Variants in USP9X observed in about 807,000 individuals in gnomAD.
USP9X encodes the protein ubiquitin specific peptidase 9 X-linked.
USP9X carries 7 observed loss-of-function variants against 190.3 expected under a neutral mutation model. The ratio of observed to expected loss-of-function variants is 0.04; its 90% CI spans 0.02 to 0.07. The LOEUF is 0.07. Ranked by LOEUF, USP9X falls within the 10% of genes least tolerant of loss-of-function variation. USP9X has a pLI of 1.00. For missense variants in USP9X, 1,010 were observed against 1,916.9 expected (o/e 0.53, Z 8.83); for synonymous variants, 645 against 659.5 (o/e 0.98, Z 0.34).
In USP9X at chrX:41,157,964, G is replaced by T. The variant is rs745763498; in HGVS notation, c.1898-4826G>T. Among the ~76,000 whole-genome samples the T allele has an allele frequency of 2.7e-5, 3 of 112,116 alleles. No individual in the cohort carries two copies. In the Admixed American group the frequency reaches 2.8e-4, roughly 11 times the overall value. On this transcript the variant is annotated intron_variant, in intron 14 of 44. Transcript: ENST00000378308. ...TTTTTTATTTAAAAAATCATGTAGA[G>T]ATTTTGTACTTGAAAAGTATAATAA... is the stretch of plus-strand genomic sequence containing the variant.
intron 33 of USP9X, among the ~76,000 whole-genome samples, chrX:41,211,358 G>A (rs1424102731): frequency 3.6e-5 from 4 of 112,272 alleles, no homozygotes; most frequent in African/African-American, 1.3e-4. Context: ...TATAGCTACA[G>A]GTGTTATTTA....
At chrX:41,199,835 C>T (rs1427673507) in intron 30 of USP9X, among the ~76,000 whole-genome samples, 5 of 111,641 alleles carry the variant, frequency 4.5e-5, no homozygotes, top group East Asian at 2.8e-4. Flanking sequence ...AAGATTAGAA[C>T]GTGAGAAGTT....
At chrX:41,195,611 G>C (rs187341848) in intron 26 of USP9X, among the ~76,000 whole-genome samples, 1 of 111,513 alleles carries the variant, frequency 9.0e-6, no homozygotes, top group Non-Finnish European at 1.9e-5. Context: ...GGTAGTGGGG[G>C]ATGGTTTCGG....
At chrX:41,204,579 A>G (rs185871493) in intron 31 of USP9X, among the ~76,000 whole-genome samples, 1 of 110,705 alleles carries the variant, frequency 9.0e-6, no homozygotes. Context: ...AGTACTAGTC[A>G]TGCACCACAT....
intron 1 of USP9X, among the ~76,000 whole-genome samples, chrX:41,099,671 G>C (rs1237219994): frequency 8.9e-6 from 1 of 111,755 alleles, no homozygotes; most frequent in African/African-American, 3.3e-5. Flanking sequence ...AAAATCACTA[G>C]TTGAATGAAT....
chrX:41,098,611 G>T (rs1395437508), intron 1 of USP9X, among the ~76,000 whole-genome samples: 1 of 110,295 alleles, frequency 9.1e-6, no homozygotes, highest in Non-Finnish European at 1.9e-5. Context: ...AGGCTGGAGT[G>T]CAGTGGCGAG....
intron 1 of USP9X, among the ~76,000 whole-genome samples, chrX:41,114,061 G>T (rs1192533168): frequency 8.9e-6 from 1 of 112,649 alleles, no homozygotes; most frequent in Non-Finnish European, 1.9e-5. Context: ...TTTGTTGTAA[G>T]TATCCGATGA....
At chrX:41,142,627 A>C (rs2062432817) in intron 9 of USP9X, among the ~76,000 whole-genome samples, 1 of 112,161 alleles carries the variant, frequency 8.9e-6, no homozygotes, top group African/African-American at 3.2e-5. Context: ...TAAATACTGC[A>C]AAATCATATA....
intron 12 of USP9X, among the ~76,000 whole-genome samples, chrX:41,148,915 C>T (rs917023662): frequency 8.9e-6 from 1 of 111,948 alleles, no homozygotes; most frequent in African/African-American, 3.2e-5. Flanking sequence ...GTTTTCTTTG[C>T]TCATAGGGAA....
At chrX:41,092,699 G>A (rs1477138122) in intron 1 of USP9X, among the ~76,000 whole-genome samples, 1 of 111,751 alleles carries the variant, frequency 8.9e-6, no homozygotes, top group African/African-American at 3.3e-5. Context: ...TTTGGTGTGT[G>A]TGTGTGGAGG....
chrX:41,118,340 C>T (rs1344786474), intron 1 of USP9X, among the ~76,000 whole-genome samples: 2 of 110,485 alleles, frequency 1.8e-5, no homozygotes, highest in Non-Finnish European at 3.8e-5. Flanking sequence ...TTTCTGCAAG[C>T]GTGACTAATC....
intron 1 of USP9X, among the ~76,000 whole-genome samples, chrX:41,110,461 G>A (rs1238756873): frequency 2.7e-5 from 3 of 111,647 alleles, no homozygotes; most frequent in African/African-American, 9.8e-5. Flanking sequence ...TCCCTTTTCT[G>A]ACATTATTGA....
intron 32 of USP9X, among the ~76,000 whole-genome samples, chrX:41,207,227 G>T (rs1456730493): frequency 5.6e-5 from 6 of 107,220 alleles, no homozygotes; most frequent in Admixed American, 3.0e-4. Context: ...TAGCTAGGAC[G>T]ACAGGCCCAC....
Position 41,234,791 on chromosome X carries a change from C to T in USP9X, c.*2267C>T, listed in dbSNP as rs964967498. Reference sequence around the variant, plus strand: ...GCCAGGCTGGTCTTGAACTCCTGACCTCAGGTGATCTGGCCGCCTCGGCCT... The same window carrying T: ...GCCAGGCTGGTCTTGAACTCCTGACTTCAGGTGATCTGGCCGCCTCGGCCT... On this transcript the variant is annotated 3_prime_UTR_variant, in exon 45 of 45. Transcript: ENST00000378308. 3 of 111,680 alleles carry T rather than the reference C, an allele frequency of 2.7e-5. No homozygotes were observed. Among genetic ancestry groups the T allele is most frequent in the African/African-American group, 6.5e-5 (2 of 30,710 alleles). The allele number at this position is 111,680 out of a possible 1,213,427, so 9.2% of individuals were successfully genotyped here.
At position 41,134,844 on chromosome X, in the gene USP9X, C is replaced by T; in HGVS notation, c.435+7C>T. ...CTGGAAGTTTGAAATTCATGTGAGTCTTGCATTTGACTTTAAAGGATCAGA... is the reference window on the plus strand; with the variant it reads ...CTGGAAGTTTGAAATTCATGTGAGTTTTGCATTTGACTTTAAAGGATCAGA... On this transcript the variant is annotated splice_region_variant and intron_variant, in intron 5 of 44. Transcript: ENST00000378308. The T allele has an allele frequency of 5.9e-6, 7 of 1,178,693 alleles. No individual in the cohort carries two copies. The highest frequency in any genetic ancestry group is 5.8e-6 in the Non-Finnish European group (5 of 866,413).
At chrX:41,121,411 A>T (rs1357837408) in intron 1 of USP9X, among the ~76,000 whole-genome samples, 1 of 111,562 alleles carries the variant, frequency 9.0e-6, no homozygotes, top group African/African-American at 3.3e-5. Flanking sequence ...TGCTGCATAG[A>T]CTGGGTATGA....
rs777153539 is a variant in USP9X, at chrX:41,184,531, T to C, written c.3414T>C (p.Asn1138=). ...SMLTRNNFLP[N]ADMETRRGAY... ...TAACCAGAAATAACTTCCTACCGAA[T>C]GCAGATATGGAAACTCGAAGGGGTG... Residue 1138 remains asparagine, a synonymous_variant, in exon 23 of 45, where the codon AAT becomes AAC. Coordinates refer to ENST00000378308, the MANE Select transcript of USP9X (RefSeq NM_001039591.3). The C allele has an allele frequency of 8.3e-7, 1 of 1,209,055 alleles. No individual in the cohort carries two copies. Among genetic ancestry groups the C allele is most frequent in the Non-Finnish European group, 1.1e-6 (1 of 895,096 alleles).
intron 1 of USP9X, among the ~76,000 whole-genome samples, chrX:41,105,004 C>T (rs1033836354): frequency 1.8e-5 from 2 of 110,855 alleles, no homozygotes; most frequent in Non-Finnish European, 3.8e-5. Context: ...ATAAAAATTC[C>T]AGTAAAATAG....
chrX:41,145,121 GTTTGTGAAAGCTCAAGTGGTTAGTGAA>G (rs2062453759), intron 11 of USP9X, among the ~76,000 whole-genome samples: 1 of 111,790 alleles, frequency 8.9e-6, no homozygotes, highest in Non-Finnish European at 1.9e-5. Flanking sequence ...CCAGGGTTAG[GTTTGTGAAAGCTCAAGTGGTTAGTGAA>G]TTTGTGGATT....
Sources: allele counts gnomAD v4.1 joint callset (sites outside exome capture counted in the v4.1 genomes callset), GRCh38; gene constraint gnomAD v4.1.1; transcripts MANE v1.5; gene names NCBI Gene and HGNC (gene_info 2026-07-23, HGNC 2026-07-21).